Variants in EPM2AIP1 observed in about 807,000 individuals in gnomAD.
EPM2AIP1 encodes the protein EPM2A-interacting protein 1.
EPM2AIP1 carries 23 observed loss-of-function variants against 44.8 expected under a neutral mutation model. The ratio of observed to expected loss-of-function variants is 0.51; its 90% CI spans 0.37 to 0.73. The LOEUF is 0.73. EPM2AIP1 is among the 30% of genes least tolerant of loss of function. The probability of loss-of-function intolerance (pLI) is 0.00; values close to 1 mark genes in which losing one functional copy is unlikely to be tolerated. For missense variants in EPM2AIP1, 652 were observed against 743.9 expected, an observed-to-expected ratio of 0.88 and a Z score of 1.44; for synonymous variants, 311 against 284.3, an observed-to-expected ratio of 1.09 and a Z score of -0.94.
Position 36,990,440 on chromosome 3 carries a change from A to G in EPM2AIP1, c.*814T>C, listed in dbSNP as rs770219447. 154 of 971,470 alleles carry G rather than the reference A, an allele frequency of 1.6e-4. No homozygotes were observed. Among genetic ancestry groups the G allele is most frequent in the Non-Finnish European group, 1.5e-4 (126 of 820,572 alleles). The allele number at this position is 971,470 out of a possible 1,614,324, so 60.2% of individuals were successfully genotyped here. A position where few individuals can be genotyped will look rare whatever the true frequency, so the allele number is the denominator to read the frequency against. On this transcript the variant is annotated 3_prime_UTR_variant, in exon 1 of 1. Coordinates refer to ENST00000322716, the MANE Select transcript of EPM2AIP1 (RefSeq NM_014805.4). The stretch of plus-strand genomic sequence containing the variant: ...TTGATAGGGCCAAACTTGTGTCTAC[A>G]GTAAAAAAAAAAAAAAAAAGAATTA...
chr3:36,988,479 A>G lies in EPM2AIP1; in HGVS notation c.*2775T>C, dbSNP rs1449155700. The G allele has an allele frequency of 6.6e-6, 1 of 152,232 alleles. No homozygotes were observed. The highest frequency in any genetic ancestry group is 1.9e-4 in the East Asian group (1 of 5,200). The allele number at this position is 152,232 out of a possible 1,614,324, so 9.4% of individuals were successfully genotyped here. A position where few individuals can be genotyped will look rare whatever the true frequency, so the allele number is the denominator to read the frequency against. ...GATACATCAATTAGGGAAGATCTAG[A>G]AAGGAGATATGAATCTGACAGTCAT... On this transcript the variant is annotated 3_prime_UTR_variant, in exon 1 of 1. Transcript: ENST00000322716.
chr3:36,989,862 T>C lies in EPM2AIP1; in HGVS notation c.*1392A>G, dbSNP rs1458738235. ...GGTTTTTAAGCTCTTATGCCATTTA[T>C]TTTAATTGCCCAGACATCAATTCCA... is the stretch of plus-strand genomic sequence containing the variant. On this transcript the variant is annotated 3_prime_UTR_variant, in exon 1 of 1. Transcript: ENST00000322716. 6.6e-6 allele frequency: 1 copy of C among 152,214 alleles called. No individual in the cohort carries two copies. Among genetic ancestry groups the C allele is most frequent in the East Asian group, 1.9e-4 (1 of 5,202 alleles). The allele number at this position is 152,214 out of a possible 1,614,324, so 9.4% of individuals were successfully genotyped here. A position where few individuals can be genotyped will look rare whatever the true frequency, so the allele number is the denominator to read the frequency against.
chr3:36,985,547 G>A lies in EPM2AIP1; in HGVS notation c.*5707C>T, dbSNP rs2080765256. On this transcript the variant is annotated 3_prime_UTR_variant, in exon 1 of 1. Coordinates refer to ENST00000322716, the MANE Select transcript of EPM2AIP1 (RefSeq NM_014805.4). ...TGGTTTTTCTCCCAGGTATATGCAA[G>A]GATCACACTCCTCCTAGAACTTTAA... 1 of 152,214 alleles carries A rather than the reference G, an allele frequency of 6.6e-6. No individual in the cohort carries two copies. The highest frequency in any genetic ancestry group is 1.5e-5 in the Non-Finnish European group (1 of 68,034). The allele number at this position is 152,214 out of a possible 1,614,324, so 9.4% of individuals were successfully genotyped here. A position where few individuals can be genotyped will look rare whatever the true frequency, so the allele number is the denominator to read the frequency against.
rs2080785877 is a variant in EPM2AIP1, at chr3:36,988,973, A to G, written c.*2281T>C. 1 of 146,654 alleles carries G rather than the reference A, an allele frequency of 6.8e-6. No individual in the cohort carries two copies. Among genetic ancestry groups the G allele is most frequent in the African/African-American group, 2.7e-5 (1 of 37,598 alleles). 9.1% of individuals were successfully genotyped at this position (146,654 alleles called of 1,614,324 possible). On this transcript the variant is annotated 3_prime_UTR_variant, in exon 1 of 1. Coordinates refer to ENST00000322716, the MANE Select transcript of EPM2AIP1 (RefSeq NM_014805.4). Reference sequence around the variant, plus strand: ...CTTAATACAGAAAACAGTAAAATACACTTTTTTCTTTTTCTTTTTTTTTTT... The same window carrying G: ...CTTAATACAGAAAACAGTAAAATACGCTTTTTTCTTTTTCTTTTTTTTTTT...
chr3:36,990,468 A>C lies in EPM2AIP1; in HGVS notation c.*786T>G. 1 of 982,410 alleles carries C rather than the reference A, an allele frequency of 1.0e-6. No homozygotes were observed. Among genetic ancestry groups the C allele is most frequent in the Non-Finnish European group, 1.2e-6 (1 of 827,036 alleles). 60.9% of individuals were successfully genotyped at this position (982,410 alleles called of 1,614,324 possible). A position where few individuals can be genotyped will look rare whatever the true frequency, so the allele number is the denominator to read the frequency against. The stretch of plus-strand genomic sequence containing the variant: ...AAAAAAAAAAAAAAAAAGAATTACT[A>C]ACTGGCAACCATTAAGATTCTATAC... On this transcript the variant is annotated 3_prime_UTR_variant, in exon 1 of 1. Transcript: ENST00000322716.
chr3:36,992,679 C>G lies in EPM2AIP1; in HGVS notation c.399G>C (p.Leu133=). 1 of 1,613,978 alleles carries G rather than the reference C, an allele frequency of 6.2e-7. No individual in the cohort carries two copies. The highest frequency in any genetic ancestry group is 8.5e-7 in the Non-Finnish European group (1 of 1,179,902). Residue 133 remains leucine (L), a synonymous_variant, in exon 1 of 1, where the codon CTG becomes CTC. Coordinates refer to ENST00000322716, the MANE Select transcript of EPM2AIP1 (RefSeq NM_014805.4). This position sits in a 1 kb window ranked among gnomAD's most constrained non-coding sequence, Gnocchi z 5.3. ...QCMEVLLREV[L]PEHVSVLQGV... ...CTTGCAGGACGCTTACATGCTCGGG[C>G]AGTACCTCTCTCAGCAACACCTCCA...
Position 36,990,553 on chromosome 3 carries a change from T to C in EPM2AIP1, c.*701A>G. The C allele has an allele frequency of 1.0e-6, 1 of 984,046 alleles. No homozygotes were observed. Among genetic ancestry groups the C allele is most frequent in the Non-Finnish European group, 1.2e-6 (1 of 829,128 alleles). The allele number at this position is 984,046 out of a possible 1,614,324, so 61.0% of individuals were successfully genotyped here. A position where few individuals can be genotyped will look rare whatever the true frequency, so the allele number is the denominator to read the frequency against. ...TAGCCCCCAGTTATTAAAAAAAAAA[T>C]CCAAGGAAAACCCCCAATAATTAGT... On this transcript the variant is annotated 3_prime_UTR_variant, in exon 1 of 1. Coordinates refer to ENST00000322716, the MANE Select transcript of EPM2AIP1 (RefSeq NM_014805.4).
rs762395461 is a variant in EPM2AIP1 at position 36,991,708 on chromosome 3, G to C, written c.1370C>G (p.Pro457Arg). The C allele has an allele frequency of 6.2e-7, 1 of 1,613,406 alleles. No homozygotes were observed. The highest frequency in any genetic ancestry group is 8.5e-7 in the Non-Finnish European group (1 of 1,179,756). The change falls in exon 1 of 1, where the codon CCT (proline) becomes CGT (arginine). Residue 457 changes from proline to arginine, a missense_variant. Physicochemically the swap from Pro to Arg is moderately radical, Grantham distance 103. Coordinates refer to ENST00000322716, the MANE Select transcript of EPM2AIP1 (RefSeq NM_014805.4). ...ACAGATCACCATTTGATACCTATCA[G>C]GATCAAATATTTTTTCATCTTCCTT... ...QNKEDEKIFD[P>R]DRYQMVICRL...
Position 36,986,373 on chromosome 3 carries a change from G to A in EPM2AIP1, c.*4881C>T, listed in dbSNP as rs1461540207. Reference sequence around the variant, plus strand: ...GAAAAGGAAGAGAATTCAAATTCAAGTACTTACTGGGTAGGATGAGGCAAC... The same window carrying A: ...GAAAAGGAAGAGAATTCAAATTCAAATACTTACTGGGTAGGATGAGGCAAC... On this transcript the variant is annotated 3_prime_UTR_variant, in exon 1 of 1. Coordinates refer to ENST00000322716, the MANE Select transcript of EPM2AIP1 (RefSeq NM_014805.4). The A allele has an allele frequency of 2.0e-5, 3 of 152,174 alleles. No homozygotes were observed. Among genetic ancestry groups the A allele is most frequent in the African/African-American group, 7.2e-5 (3 of 41,436 alleles). 9.4% of individuals were successfully genotyped at this position (152,174 alleles called of 1,614,324 possible). A position where few individuals can be genotyped will look rare whatever the true frequency, so the allele number is the denominator to read the frequency against.
chr3:36,990,542 T>TA lies in EPM2AIP1; in HGVS notation c.*711dup, dbSNP rs574750880. ...AGCTGATAAAATAGCCCCCAGTTAT[T>TA]AAAAAAAAAATCCAAGGAAAACCCC... On this transcript the variant is annotated 3_prime_UTR_variant, in exon 1 of 1. Transcript: ENST00000322716. 408 of 926,786 alleles carry TA rather than the reference T, an allele frequency of 4.4e-4. No individual in the cohort carries two copies. Among genetic ancestry groups the TA allele is most frequent in the Middle Eastern group, 1.7e-3 (3 of 1,788 alleles). The allele number at this position is 926,786 out of a possible 1,614,324, so 57.4% of individuals were successfully genotyped here.
chr3:36,992,554 T>C lies in EPM2AIP1; in HGVS notation c.524A>G (p.Tyr175Cys), dbSNP rs754400370. The change falls in exon 1 of 1, where the codon TAT becomes TGT. Residue 175 changes from tyrosine to cysteine, a missense_variant. Tyr to Cys is a radical substitution (Grantham distance 194). Transcript: ENST00000322716. This position sits in a 1 kb window ranked among gnomAD's most constrained non-coding sequence, Gnocchi z 5.3. ...LFNRARDFKAYSLALDDQAFV... is the reference protein window; with the variant it reads ...LFNRARDFKACSLALDDQAFV... ...AGCCTGGTCGTCCAAGGCAAGAGAA[T>C]AGGCTTTAAAGTCCCTGGCTCGGTT... is the stretch of plus-strand genomic sequence containing the variant. The C allele has an allele frequency of 1.2e-6, 2 of 1,613,896 alleles. No individual in the cohort carries two copies. Among genetic ancestry groups the C allele is most frequent in the Admixed American group, 1.7e-5 (1 of 60,004 alleles).
Position 36,987,391 on chromosome 3 carries a change from T to C in EPM2AIP1, c.*3863A>G, listed in dbSNP as rs1336917428. Reference sequence around the variant, plus strand: ...TGTTTTAGTTCACTAAGTAGTTGTCTAATCTTTTCCCTCTATATGTAGGTT... The same window carrying C: ...TGTTTTAGTTCACTAAGTAGTTGTCCAATCTTTTCCCTCTATATGTAGGTT... On this transcript the variant is annotated 3_prime_UTR_variant, in exon 1 of 1. Transcript: ENST00000322716. 6.6e-6 allele frequency: 1 copy of C among 150,952 alleles called. No homozygotes were observed. The highest frequency in any genetic ancestry group is 1.5e-5 in the Non-Finnish European group (1 of 67,678). 9.4% of individuals were successfully genotyped at this position (150,952 alleles called of 1,614,324 possible). A position where few individuals can be genotyped will look rare whatever the true frequency, so the allele number is the denominator to read the frequency against.
chr3:36,992,638 G>T lies in EPM2AIP1; in HGVS notation c.440C>A (p.Pro147Gln). The stretch of plus-strand genomic sequence containing the variant: ...CAGGATCCTCTGCCTTGTGATATCT[G>T]GAGATAAGTCAACGCCTTGCAGGAC... Reference protein sequence around the residue: ...VSVLQGVDLSPDITRQRILSI... With the variant: ...VSVLQGVDLSQDITRQRILSI... The change falls in exon 1 of 1, where the codon CCA (proline) becomes CAA (glutamine). Residue 147 changes from proline to glutamine, a missense_variant. Pro to Gln is a moderately conservative substitution (Grantham distance 76, BLOSUM62 -1). Coordinates refer to ENST00000322716, the MANE Select transcript of EPM2AIP1 (RefSeq NM_014805.4). This position sits in a 1 kb window ranked among gnomAD's most constrained non-coding sequence, Gnocchi z 5.3. 1 of 1,614,020 alleles carries T rather than the reference G, an allele frequency of 6.2e-7. No individual in the cohort carries two copies. The highest frequency in any genetic ancestry group is 8.5e-7 in the Non-Finnish European group (1 of 1,179,892).
At position 36,992,676 on chromosome 3, in the gene EPM2AIP1, G is replaced by C. The variant is rs781383643; in HGVS notation, c.402C>G (p.Pro134=). The change falls in exon 1 of 1, where the codon CCC becomes CCG. Residue 134 remains proline (P), a synonymous_variant. Transcript: ENST00000322716. The surrounding 1 kb of genome is among the most constrained non-coding windows in gnomAD (Gnocchi z 5.3). ...CMEVLLREVL[P]EHVSVLQGVD... ...CGCCTTGCAGGACGCTTACATGCTC[G>C]GGCAGTACCTCTCTCAGCAACACCT... The C allele has an allele frequency of 3.7e-6, 6 of 1,613,780 alleles. No homozygotes were observed. The African/African-American group carries it at 6.7e-5, about 18-fold the overall frequency.
rs888464407 is a variant in EPM2AIP1 at position 36,987,254 on chromosome 3, T to TA, written c.*3999dup. ...TCTGTAAAGGAAAGTAGCAAGTAAATAGCATGCCATTTTCTCCTAGTGTTG... is the reference window on the plus strand; with the variant it reads ...TCTGTAAAGGAAAGTAGCAAGTAAATAAGCATGCCATTTTCTCCTAGTGTTG... On this transcript the variant is annotated 3_prime_UTR_variant, in exon 1 of 1. Transcript: ENST00000322716. 92 of 152,580 alleles carry TA rather than the reference T, an allele frequency of 6.0e-4. No individual in the cohort carries two copies. Among genetic ancestry groups the TA allele is most frequent in the African/African-American group, 2.2e-3 (91 of 41,530 alleles). The allele number at this position is 152,580 out of a possible 1,614,324, so 9.5% of individuals were successfully genotyped here. A position where few individuals can be genotyped will look rare whatever the true frequency, so the allele number is the denominator to read the frequency against.
rs2080776729 is a variant in EPM2AIP1 at position 36,987,497 on chromosome 3, T to C, written c.*3757A>G. On this transcript the variant is annotated 3_prime_UTR_variant, in exon 1 of 1. Coordinates refer to ENST00000322716, the MANE Select transcript of EPM2AIP1 (RefSeq NM_014805.4). ...CAAAGGGTAAAAAAAAATAAGATTCTATACATGGATATGCAAACTTAATAT... is the reference window on the plus strand; with the variant it reads ...CAAAGGGTAAAAAAAAATAAGATTCCATACATGGATATGCAAACTTAATAT... The C allele has an allele frequency of 6.6e-6, 1 of 151,192 alleles. No homozygotes were observed. Among genetic ancestry groups the C allele is most frequent in the Non-Finnish European group, 1.5e-5 (1 of 67,796 alleles). The allele number at this position is 151,192 out of a possible 1,614,324, so 9.4% of individuals were successfully genotyped here. A position where few individuals can be genotyped will look rare whatever the true frequency, so the allele number is the denominator to read the frequency against.
At position 36,991,768 on chromosome 3, in the gene EPM2AIP1, AGGGCAG is replaced by A; in HGVS notation, c.1304_1309del (p.Pro435_Ala436del). The A allele has an allele frequency of 6.2e-7, 1 of 1,613,304 alleles. No homozygotes were observed. Among genetic ancestry groups the A allele is most frequent in the Non-Finnish European group, 8.5e-7 (1 of 1,179,700 alleles). On this transcript the variant is annotated inframe_deletion, in exon 1 of 1. Coordinates refer to ENST00000322716, the MANE Select transcript of EPM2AIP1 (RefSeq NM_014805.4). ...TTTTAGCTCATCAACAACTTCTCTGAGGGCAGGAAAGTCTGTTAGATTTTTTTCCTC... is the reference window on the plus strand; with the variant it reads ...TTTTAGCTCATCAACAACTTCTCTGAGAAAGTCTGTTAGATTTTTTTCCTC...
chr3:36,986,520 C>T lies in EPM2AIP1; in HGVS notation c.*4734G>A, dbSNP rs969140735. On this transcript the variant is annotated 3_prime_UTR_variant, in exon 1 of 1. Transcript: ENST00000322716. ...TTGCCGCCGGGTGCAGAGGCTCACACGTATAACACCAACATTTTGGGAGCC... is the reference window on the plus strand; with the variant it reads ...TTGCCGCCGGGTGCAGAGGCTCACATGTATAACACCAACATTTTGGGAGCC... 10 of 152,070 alleles carry T rather than the reference C, an allele frequency of 6.6e-5. No homozygotes were observed. The highest frequency in any genetic ancestry group is 4.6e-4 in the Admixed American group (7 of 15,280). 9.4% of individuals were successfully genotyped at this position (152,070 alleles called of 1,614,324 possible). A position where few individuals can be genotyped will look rare whatever the true frequency, so the allele number is the denominator to read the frequency against.
chr3:36,990,576 AGTCTT>A lies in EPM2AIP1; in HGVS notation c.*673_*677del. On this transcript the variant is annotated 3_prime_UTR_variant, in exon 1 of 1. Coordinates refer to ENST00000322716, the MANE Select transcript of EPM2AIP1 (RefSeq NM_014805.4). ...AATCCAAGGAAAACCCCCAATAATTAGTCTTATCTCCAAATTGCATGAAGTCTCCT... is the reference window on the plus strand; with the variant it reads ...AATCCAAGGAAAACCCCCAATAATTAATCTCCAAATTGCATGAAGTCTCCT... 1.0e-6 allele frequency: 1 copy of A among 985,588 alleles called. No individual in the cohort carries two copies. The highest frequency in any genetic ancestry group is 1.2e-6 in the Non-Finnish European group (1 of 829,738). 61.1% of individuals were successfully genotyped at this position (985,588 alleles called of 1,614,324 possible).
Sources: allele counts gnomAD v4.1 joint callset, GRCh38; gene constraint gnomAD v4.1.1; non-coding constraint Gnocchi (gnomAD v3.1); transcripts MANE v1.5; gene names NCBI Gene and HGNC (gene_info 2026-07-23, HGNC 2026-07-21).